The following ZNF429 variants were observed in gnomAD, a reference collection of about 807,000 sequenced individuals.
The protein encoded by ZNF429 is zinc finger protein 429.
ZNF429 carries 53 observed loss-of-function variants against 56.8 expected under a neutral mutation model. The observed-to-expected ratio is 0.93, with a 90% CI of 0.75 to 1.17. The LOEUF (loss-of-function observed/expected upper bound fraction) is 1.17, where lower values mean the gene tolerates loss of function less well. Ranked by LOEUF, ZNF429 falls within the 50% of genes most tolerant of loss-of-function variation. The pLI is 0.00. For synonymous variants in ZNF429, 278 were observed against 264.7 expected, an observed-to-expected ratio of 1.05 and a Z score of -0.49; for missense variants, 849 against 788.4, an observed-to-expected ratio of 1.08 and a Z score of -0.92.
chr19:21,540,100 A>T lies in ZNF429; in HGVS notation c.*2022A>T, dbSNP rs1475456196. Among the ~76,000 whole-genome samples, 1 of 152,222 alleles carries T rather than the reference A, an allele frequency of 6.6e-6. No homozygotes were observed. The highest frequency in any genetic ancestry group is 1.5e-5 in the Non-Finnish European group (1 of 68,038). On this transcript the variant is annotated 3_prime_UTR_variant, in exon 4 of 4. Coordinates refer to ENST00000358491, the MANE Select transcript of ZNF429 (RefSeq NM_001001415.4). ...AAATTGTAAATCATTTTAGTGATTG[A>T]GCTTTTATGTTATAAAATGCAGTAT...
Position 21,537,030 on chromosome 19 carries a change from C to G in ZNF429, c.977C>G (p.Ser326Ter). 1 of 1,614,064 alleles carries G rather than the reference C, an allele frequency of 6.2e-7. No homozygotes were observed. Among genetic ancestry groups the G allele is most frequent in the East Asian group, 2.2e-5 (1 of 44,870 alleles). The change falls in exon 4 of 4, where the codon TCA (serine) becomes TGA (stop). Residue 326 changes from serine (S) to a stop codon, truncating the protein, a stop_gained. Transcript: ENST00000358491. LOFTEE classifies it high-confidence loss of function. ...TGTGGCAAAGCCTTTAACCGGTCCTCAACCCTTACTAGCCATAAGAGAATA... is the reference window on the plus strand; with the variant it reads ...TGTGGCAAAGCCTTTAACCGGTCCTGAACCCTTACTAGCCATAAGAGAATA... ...KECGKAFNRS[S>*]TLTSHKRIHT...
intron 2 of ZNF429, 41 bp downstream of exon 2, chr19:21,529,825 A>C: frequency 8.0e-7 from 1 of 1,252,258 alleles, no homozygotes; most frequent in Non-Finnish European, 1.1e-6. Context: ...TATACCCTAA[A>C]TGTTTCATTT....
chr19:21,536,977 T>A lies in ZNF429; in HGVS notation c.924T>A (p.Thr308=). Residue 308 remains threonine (T), a synonymous_variant, in exon 4 of 4, where the codon ACT becomes ACA. Coordinates refer to ENST00000358491, the MANE Select transcript of ZNF429 (RefSeq NM_001001415.4). ...TTACTAAACATAAGATAATTCATAC[T>A]GAAGAGAAACCCTACAAATGTAAAG... is the stretch of plus-strand genomic sequence containing the variant. ...STFTKHKIIH[T]EEKPYKCKEC... is the part of the protein sequence containing the mutation. 6.2e-7 allele frequency: 1 copy of A among 1,613,968 alleles called. No individual in the cohort carries two copies. Among genetic ancestry groups the A allele is most frequent in the Non-Finnish European group, 8.5e-7 (1 of 1,179,958 alleles).
chr19:21,513,175 G>C (rs2032582772), intron 1 of ZNF429, among the ~76,000 whole-genome samples: 1 of 152,130 alleles, frequency 6.6e-6, no homozygotes, highest in Non-Finnish European at 1.5e-5. Context: ...CCGGCCCTTA[G>C]TCTTAATGGT....
In ZNF429 at chr19:21,538,137, G is replaced by A. The variant is rs1568436553; in HGVS notation, c.*59G>A. The stretch of plus-strand genomic sequence containing the variant: ...AAAAAAAAAAAAAAAAAATTAGCCA[G>A]GCGTGGTGGTGGGCACTTGTAGTCC... On this transcript the variant is annotated 3_prime_UTR_variant, in exon 4 of 4. Transcript: ENST00000358491. The A allele has an allele frequency of 2.7e-6, 2 of 744,200 alleles. No individual in the cohort carries two copies. Among genetic ancestry groups the A allele is most frequent in the Non-Finnish European group, 4.1e-6 (2 of 483,712 alleles). 46.1% of individuals were successfully genotyped at this position (744,200 alleles called of 1,614,324 possible).
Position 21,536,625 on chromosome 19 carries a change from A to G in ZNF429, c.572A>G (p.His191Arg), listed in dbSNP as rs200957334. 5.4e-4 allele frequency: 866 copies of G among 1,613,808 alleles called. 8 individuals carry two copies. In the South Asian group the frequency reaches 7.4e-3, roughly 14 times the overall value. The change falls in exon 4 of 4, where the codon CAT becomes CGT. Residue 191 changes from histidine to arginine, a missense_variant. By Grantham distance (29) the His-to-Arg change is conservative (BLOSUM62 0). Transcript: ENST00000358491. ...SFCMLSQLTQ[H>R]KKIHIRENTY... The stretch of plus-strand genomic sequence containing the variant: ...TGCATGCTTTCACAACTAACTCAAC[A>G]TAAGAAAATTCATATTAGAGAGAAT...
At chr19:21,516,843 C>T (rs1030130177) in intron 1 of ZNF429, among the ~76,000 whole-genome samples, 5 of 152,122 alleles carry the variant, frequency 3.3e-5, no homozygotes, top group African/African-American at 9.7e-5. Flanking sequence ...AGCTTTTGCA[C>T]CAAGACTATA....
chr19:21,535,372 TC>T, intron 3 of ZNF429, among the ~76,000 whole-genome samples: 6 of 82,030 alleles, frequency 7.3e-5, no homozygotes, highest in Admixed American at 3.8e-4. Context: ...TTTCTTTCTT[TC>T]TTTCTTTTTT....
chr19:21,535,327 C>CTTTCTT lies in ZNF429; in HGVS notation c.227-952_227-951insTTCTTT. 6.1e-4 allele frequency among the ~76,000 whole-genome samples: 71 copies of CTTTCTT among 116,300 alleles called. 4 individuals are homozygous for CTTTCTT. Among genetic ancestry groups the CTTTCTT allele is most frequent in the African/African-American group, 2.4e-3 (57 of 23,968 alleles). 76.3% of individuals were successfully genotyped at this position (116,300 alleles called of 152,430 possible). A position where few individuals can be genotyped will look rare whatever the true frequency, so the allele number is the denominator to read the frequency against. ...TCTTTCTTTCTTTCTTTCTTTCTTT[C>CTTTCTT]TCTTTTCTTTTCTTTCCTTTCCTTT... On this transcript the variant is annotated intron_variant, in intron 3 of 3. Coordinates refer to ENST00000358491, the MANE Select transcript of ZNF429 (RefSeq NM_001001415.4).
intron 1 of ZNF429, among the ~76,000 whole-genome samples, chr19:21,508,523 T>C (rs2032296759): frequency 1.3e-5 from 2 of 152,204 alleles, no homozygotes; most frequent in Admixed American, 6.5e-5. Context: ...TGTTCACTTA[T>C]ATTGACTTCA....
At position 21,526,183 on chromosome 19, in the gene ZNF429, C is replaced by CT. The variant is rs201905806; in HGVS notation, c.4-3465dup. Among the ~76,000 whole-genome samples, 109 of 149,836 alleles carry CT rather than the reference C, an allele frequency of 7.3e-4. 2 individuals are homozygous for CT. The South Asian group carries it at 0.015, about 20-fold the overall frequency. On this transcript the variant is annotated intron_variant, in intron 1 of 3. Coordinates refer to ENST00000358491, the MANE Select transcript of ZNF429 (RefSeq NM_001001415.4). ...GAAAAGAGAGGTTTCTTCACTTTGACTTTTTTTTTTCCATAAGTCACTGGT... is the reference window on the plus strand; with the variant it reads ...GAAAAGAGAGGTTTCTTCACTTTGACTTTTTTTTTTTCCATAAGTCACTGGT...
intron 3 of ZNF429, among the ~76,000 whole-genome samples, chr19:21,531,382 A>G: frequency 6.6e-6 from 1 of 152,286 alleles, no homozygotes; most frequent in Admixed American, 6.5e-5. Context: ...AGGCCAGTTT[A>G]TAAAAAATTG....
At position 21,530,668 on chromosome 19, in the gene ZNF429, G is replaced by T; in HGVS notation, c.210G>T (p.Met70Ile). 6.2e-7 allele frequency: 1 copy of T among 1,608,886 alleles called. No individual in the cohort carries two copies. The highest frequency in any genetic ancestry group is 8.5e-7 in the Non-Finnish European group (1 of 1,176,798). ...KEPCKMKRHE[M>I]VDEPPVVCSH... ...CCTGCAAGATGAAGCGACATGAAAT[G>T]GTGGATGAACCCCCAGGTAGGTGAG... Residue 70 changes from methionine to isoleucine, a missense_variant, in exon 3 of 4, where the codon ATG (methionine) becomes ATT (isoleucine). By Grantham distance (10) the Met-to-Ile change is conservative (BLOSUM62 1). Transcript: ENST00000358491.
intron 1 of ZNF429, among the ~76,000 whole-genome samples, chr19:21,518,103 C>T (rs2032836212): frequency 6.6e-6 from 1 of 152,208 alleles, no homozygotes; most frequent in African/African-American, 2.4e-5. Context: ...TGAATCTTCT[C>T]TTCTTACTTC....
chr19:21,535,325 T>TTCTTTCTTTCTTTCTTTCTTTC, intron 3 of ZNF429, among the ~76,000 whole-genome samples: 1 of 124,708 alleles, frequency 8.0e-6, no homozygotes, highest in African/African-American at 4.1e-5. Context: ...CTTTCTTTCT[T>TTCTTTCTTTCTTTCTTTCTTTC]TCTCTTTTCT....
In ZNF429 at chr19:21,539,215, A is replaced by T. The variant is rs563999145; in HGVS notation, c.*1137A>T. Among the ~76,000 whole-genome samples the T allele has an allele frequency of 3.9e-5, 6 of 152,276 alleles. No individual in the cohort carries two copies. The highest frequency in any genetic ancestry group is 9.6e-5 in the African/African-American group (4 of 41,568). ...CATAGATATGTATGATATTGAATAC[A>T]TGTATTAAATACATAGAATATGATA... On this transcript the variant is annotated 3_prime_UTR_variant, in exon 4 of 4. Transcript: ENST00000358491.
chr19:21,517,016 G>A (rs534863643), intron 1 of ZNF429, among the ~76,000 whole-genome samples: 7 of 152,264 alleles, frequency 4.6e-5, no homozygotes, highest in African/African-American at 1.7e-4. Flanking sequence ...TCCTTTTCTT[G>A]TGCCAGTTTT....
intron 1 of ZNF429, 39 bp from the exon 2 acceptor site, chr19:21,529,619 C>G: frequency 4.1e-6 from 6 of 1,455,420 alleles, no homozygotes; most frequent in Non-Finnish European, 4.6e-6. Context: ...ATATTTCTCT[C>G]TCTTTCTCTC....
rs927280371 is a variant in ZNF429 at position 21,540,085 on chromosome 19, T to A, written c.*2007T>A. Reference sequence around the variant, plus strand: ...AGTGAATTTATAATAAAATTGTAAATCATTTTAGTGATTGAGCTTTTATGT... The same window carrying A: ...AGTGAATTTATAATAAAATTGTAAAACATTTTAGTGATTGAGCTTTTATGT... On this transcript the variant is annotated 3_prime_UTR_variant, in exon 4 of 4. Coordinates refer to ENST00000358491, the MANE Select transcript of ZNF429 (RefSeq NM_001001415.4). 6.6e-6 allele frequency among the ~76,000 whole-genome samples: 1 copy of A among 152,200 alleles called. No individual in the cohort carries two copies. Among genetic ancestry groups the A allele is most frequent in the Non-Finnish European group, 1.5e-5 (1 of 68,034 alleles).
Sources: allele counts gnomAD v4.1 joint callset (sites outside exome capture counted in the v4.1 genomes callset), GRCh38; gene constraint gnomAD v4.1.1; transcripts MANE v1.5; gene names NCBI Gene and HGNC (gene_info 2026-07-23, HGNC 2026-07-21).